RER1: variants seen among roughly 807,000 people sequenced by gnomAD.
RER1 encodes the protein retention in endoplasmic reticulum sorting receptor 1.
A neutral mutation model predicts 28.3 loss-of-function variants in RER1; 6 were observed. The observed-to-expected ratio is 0.21, with a 90% CI of 0.12 to 0.42. The LOEUF (loss-of-function observed/expected upper bound fraction) is 0.42, where lower values mean the gene tolerates loss of function less well. Among genes scored for constraint, RER1 ranks in the 10% least tolerant of loss-of-function variants. The pLI is 1.00. For synonymous variants in RER1, 110 were observed against 95.9 expected, an observed-to-expected ratio of 1.15 and a Z score of -0.86; for missense variants, 159 against 252.9, an observed-to-expected ratio of 0.63 and a Z score of 2.52.
chr1:2,405,169 G>A lies in RER1; in HGVS notation c.*2045G>A, dbSNP rs1334663446. 1.7e-5 allele frequency: 3 copies of A among 178,662 alleles called. No homozygotes were observed. In the South Asian group the frequency reaches 3.3e-4, roughly 20 times the overall value. 11.1% of individuals were successfully genotyped at this position (178,662 alleles called of 1,614,324 possible). A position where few individuals can be genotyped will look rare whatever the true frequency, so the allele number is the denominator to read the frequency against. On this transcript the variant is annotated 3_prime_UTR_variant, in exon 7 of 7. Transcript: ENST00000605895. ...GAAGGTGTGTGTGCCAAATGCTTCC[G>A]ACGGAGGTGCTGGCCTTGGTTGGTT...
At position 2,395,326 on chromosome 1, in the gene RER1, C is replaced by T. The variant is rs545639577; in HGVS notation, c.-7-458C>T. The T allele has an allele frequency of 5.3e-4, 101 of 189,506 alleles. 1 individual carries two copies. Among genetic ancestry groups the T allele is most frequent in the African/African-American group, 2.2e-3 (97 of 43,270 alleles). The allele number at this position is 189,506 out of a possible 1,614,324, so 11.7% of individuals were successfully genotyped here. ...CTGGCCCTGAGAGGACAGGATCCCT[C>T]CTGCTCCTGCCAGACCAGAGACCCA... On this transcript the variant is annotated intron_variant, in intron 1 of 6. Transcript: ENST00000605895.
At chr1:2,396,624 T>C (rs1642771600) in intron 2 of RER1, among the ~76,000 whole-genome samples, 1 of 152,362 alleles carries the variant, frequency 6.6e-6, no homozygotes, top group South Asian at 2.1e-4. Context: ...CCTTCGGTCA[T>C]GTCCACAGCC....
chr1:2,401,155 G>A (rs1359105862), intron 5 of RER1, among the ~76,000 whole-genome samples: 4 of 151,800 alleles, frequency 2.6e-5, no homozygotes, highest in Non-Finnish European at 5.9e-5. Flanking sequence ...CTGGGATGGA[G>A]TGCGCACCGG....
In RER1 at chr1:2,404,737, A is replaced by G. The variant is rs1642940853; in HGVS notation, c.*1613A>G. ...CCAGGTGTTTTACGTCAGCAGGGAA[A>G]TGTGGCACACGCCCTCGAGGCATTT... On this transcript the variant is annotated 3_prime_UTR_variant, in exon 7 of 7. Transcript: ENST00000605895. 6.6e-6 allele frequency: 1 copy of G among 152,294 alleles called. No individual in the cohort carries two copies. Among genetic ancestry groups the G allele is most frequent in the Non-Finnish European group, 1.5e-5 (1 of 68,050 alleles). The allele number at this position is 152,294 out of a possible 1,614,324, so 9.4% of individuals were successfully genotyped here. A position where few individuals can be genotyped will look rare whatever the true frequency, so the allele number is the denominator to read the frequency against.
chr1:2,400,574 C>T (rs563916592), intron 4 of RER1, among the ~76,000 whole-genome samples: 30 of 152,312 alleles, frequency 2.0e-4, no homozygotes, highest in Non-Finnish European at 2.9e-4. Context: ...TGTGCCTTTA[C>T]GTGGTGCAGC....
chr1:2,400,727 C>T, intron 4 of RER1, 130 bp from the exon 5 acceptor site: 2 of 777,574 alleles, frequency 2.6e-6, no homozygotes, highest in Non-Finnish European at 4.4e-6. Flanking sequence ...TTCTCGTTTT[C>T]TCTGGTTAAA....
chr1:2,403,673 C>T lies in RER1; in HGVS notation c.*549C>T, dbSNP rs1642909240. The T allele has an allele frequency of 6.5e-6, 1 of 152,914 alleles. No individual in the cohort carries two copies. The highest frequency in any genetic ancestry group is 6.5e-5 in the Admixed American group (1 of 15,302). The allele number at this position is 152,914 out of a possible 1,614,324, so 9.5% of individuals were successfully genotyped here. On this transcript the variant is annotated 3_prime_UTR_variant, in exon 7 of 7. Coordinates refer to ENST00000605895, the MANE Select transcript of RER1 (RefSeq NM_007033.5). ...GAGATGTTTAAAGTTGGCCTCTATC[C>T]TAATGACTCAAAACTTGGTTCTTAA... is the stretch of plus-strand genomic sequence containing the variant.
At position 2,400,884 on chromosome 1, in the gene RER1, A is replaced by G. The variant is rs1372248040; in HGVS notation, c.314A>G (p.Gln105Arg). ...SDDGPSLPTK[Q>R]NEEFRPFIRR... Reference sequence around the variant, plus strand: ...GACGGTCCTTCGCTACCCACCAAACAGAACGAGGAATTCCGCCCCTTCATT... The same window carrying G: ...GACGGTCCTTCGCTACCCACCAAACGGAACGAGGAATTCCGCCCCTTCATT... Residue 105 changes from glutamine to arginine, a missense_variant, in exon 5 of 7, where the codon CAG becomes CGG. Transcript: ENST00000605895. 6 of 1,614,002 alleles carry G rather than the reference A, an allele frequency of 3.7e-6. No individual in the cohort carries two copies. Among genetic ancestry groups the G allele is most frequent in the Non-Finnish European group, 4.2e-6 (5 of 1,180,002 alleles).
intron 2 of RER1, 40 bp downstream of exon 2, chr1:2,395,911 A>C (rs1263324920): frequency 3.4e-6 from 5 of 1,457,794 alleles, no homozygotes; most frequent in Admixed American, 3.4e-5. Context: ...AATATTTGAA[A>C]AAGAAACGGG....
chr1:2,398,266 C>T (rs917792048), intron 3 of RER1, among the ~76,000 whole-genome samples: 2 of 152,250 alleles, frequency 1.3e-5, no homozygotes, highest in Non-Finnish European at 2.9e-5. Flanking sequence ...TCACATCCGG[C>T]GTTCAGCCAG....
intron 4 of RER1, among the ~76,000 whole-genome samples, chr1:2,400,082 C>T (rs1642824003): frequency 6.6e-6 from 1 of 152,218 alleles, no homozygotes; most frequent in African/African-American, 2.4e-5. Flanking sequence ...CCTGCCTGGG[C>T]CAGGTAGGGG....
intron 3 of RER1, among the ~76,000 whole-genome samples, chr1:2,397,627 A>G (rs1371360837): frequency 6.6e-6 from 1 of 152,176 alleles, no homozygotes; most frequent in Non-Finnish European, 1.5e-5. Flanking sequence ...CAAAGGGTTT[A>G]TGTAGCTTTT....
At chr1:2,392,688 C>T (rs1443189881) in intron 1 of RER1, among the ~76,000 whole-genome samples, 2 of 152,206 alleles carry the variant, frequency 1.3e-5, no homozygotes, top group African/African-American at 4.8e-5. Context: ...GTTGAGTTGA[C>T]ATTTCCCAGG....
intron 2 of RER1, among the ~76,000 whole-genome samples, chr1:2,396,558 A>G (rs1642770288): frequency 6.6e-6 from 1 of 152,258 alleles, no homozygotes; most frequent in South Asian, 2.1e-4. Context: ...TCTAAATTAA[A>G]ATAAAAAACC....
intron 5 of RER1, among the ~76,000 whole-genome samples, chr1:2,401,403 CCTCCCTCCTT>C (rs1557904083): frequency 1.1e-4 from 9 of 80,964 alleles, no homozygotes; most frequent in African/African-American, 3.8e-4. Context: ...CCTCCCTCCT[CCTCCCTCCTT>C]CCTCCTTCCT....
chr1:2,397,089 C>T (rs745476870), intron 2 of RER1, 27 bp from the exon 3 acceptor site: 12 of 1,513,342 alleles, frequency 7.9e-6, no homozygotes, highest in Non-Finnish European at 1.1e-5. Flanking sequence ...GGACCTGCTT[C>T]ATGCTTTTGG....
In RER1 at chr1:2,404,651, AAGTAAGTCAAAC is replaced by A. The variant is rs1172614494; in HGVS notation, c.*1530_*1541del. 6.6e-6 allele frequency: 1 copy of A among 152,212 alleles called. No individual in the cohort carries two copies. The highest frequency in any genetic ancestry group is 2.4e-5 in the African/African-American group (1 of 41,438). The allele number at this position is 152,212 out of a possible 1,614,324, so 9.4% of individuals were successfully genotyped here. A position where few individuals can be genotyped will look rare whatever the true frequency, so the allele number is the denominator to read the frequency against. On this transcript the variant is annotated 3_prime_UTR_variant, in exon 7 of 7. Coordinates refer to ENST00000605895, the MANE Select transcript of RER1 (RefSeq NM_007033.5). ...GGAATACAGGGTCATCCTCATTCCTAAGTAAGTCAAACAGCAAGACATGGTTTGCGCGGGTCT... is the reference window on the plus strand; with the variant it reads ...GGAATACAGGGTCATCCTCATTCCTAAGCAAGACATGGTTTGCGCGGGTCT...
At chr1:2,402,091 C>T (rs1051094614) in intron 5 of RER1, 116 bp from the exon 6 acceptor site, 1 of 1,608,602 alleles carries the variant, frequency 6.2e-7, no homozygotes, top group Non-Finnish European at 8.5e-7. Context: ...CCCCTCCTTT[C>T]CACAGGGATG....
At chr1:2,399,643 G>A (rs1642816737) in intron 4 of RER1, 129 bp downstream of exon 4, 1 of 662,554 alleles carries the variant, frequency 1.5e-6, no homozygotes, top group South Asian at 1.7e-5. Flanking sequence ...GTAATGTTGG[G>A]TGATCAGGAT....
Sources: allele counts gnomAD v4.1 joint callset (sites outside exome capture counted in the v4.1 genomes callset), GRCh38; gene constraint gnomAD v4.1.1; transcripts MANE v1.5; gene names NCBI Gene and HGNC (gene_info 2026-07-23, HGNC 2026-07-21).